The following VARS2 variants were observed in gnomAD, a reference collection of about 807,000 sequenced individuals.
VARS2 encodes valine--tRNA ligase, mitochondrial.
A neutral mutation model predicts 154.1 loss-of-function variants in VARS2; 105 were observed. The observed-to-expected ratio is 0.68, with a 90% CI of 0.58 to 0.80. The LOEUF is 0.80. VARS2 is among the 30% of genes least tolerant of loss of function. The pLI is 0.00. For synonymous variants in VARS2, 483 were observed against 539.5 expected, an observed-to-expected ratio of 0.90 and a Z score of 1.45; for missense variants, 1,157 against 1,361.4, an observed-to-expected ratio of 0.85 and a Z score of 2.36.
rs1287162415 is a variant in VARS2, at chr6:30,920,116, G to A, written c.1193G>A (p.Ser398Asn). The A allele has an allele frequency of 6.4e-7, 1 of 1,574,456 alleles. No individual in the cohort carries two copies. Among genetic ancestry groups the A allele is most frequent in the African/African-American group, 1.4e-5 (1 of 74,068 alleles). ...TGAVKVTPAH[S>N]PADAEMGARH... ...GCAGTGAAGGTGACTCCAGCTCACA[G>A]TCCTGCCGATGCTGAGATGGGGGCC... Residue 398 changes from serine to asparagine, a missense_variant, in exon 13 of 30, where the codon AGT (serine) becomes AAT (asparagine). By Grantham distance (46) the Ser-to-Asn change is conservative (BLOSUM62 1). Coordinates refer to ENST00000676266, the MANE Select transcript of VARS2 (RefSeq NM_020442.6). This position sits in a 1 kb window ranked among gnomAD's most constrained non-coding sequence, Gnocchi z 4.6.
Position 30,917,945 on chromosome 6 carries a change from C to T in VARS2, c.985+139C>T, listed in dbSNP as rs1167343786. On this transcript the variant is annotated intron_variant, in intron 10 of 29. Coordinates refer to ENST00000676266, the MANE Select transcript of VARS2 (RefSeq NM_020442.6). The surrounding 1 kb of genome is among the most constrained non-coding windows in gnomAD (Gnocchi z 4.4). ...TGTTCACCTCAGCGTGGGCACTTAC[C>T]CAGGGTCTTCTGGGGGATGTACAAA... 26 of 858,658 alleles carry T rather than the reference C, an allele frequency of 3.0e-5. No individual in the cohort carries two copies. The highest frequency in any genetic ancestry group is 4.6e-5 in the Non-Finnish European group (25 of 546,434). The allele number at this position is 858,658 out of a possible 1,614,324, so 53.2% of individuals were successfully genotyped here.
In VARS2 at chr6:30,921,572, C is replaced by G. The variant is rs1794513418; in HGVS notation, c.1633-17C>G. ...CTGTTCTTCCTCACTCTCCCCAACC[C>G]CTTCCTACTTTTGCAGGGAGAAGAG... On this transcript the variant is annotated splice_polypyrimidine_tract_variant and intron_variant, in intron 17 of 29. Transcript: ENST00000676266. The surrounding 1 kb of genome is among the most constrained non-coding windows in gnomAD (Gnocchi z 4.6). The G allele has an allele frequency of 1.3e-6, 2 of 1,594,802 alleles. No homozygotes were observed. The highest frequency in any genetic ancestry group is 2.7e-5 in the African/African-American group (2 of 74,872).
rs1255146279 is a variant in VARS2, at chr6:30,923,438, G to A, written c.2399G>A (p.Arg800Gln). Residue 800 changes from arginine to glutamine, a missense_variant, in exon 25 of 30, where the codon CGA (arginine) becomes CAA (glutamine). Transcript: ENST00000676266. ...GAGTGTGAGCGGGGCTTCCTCACCC[G>A]AGAGCTCTCGCTCGTCACTCATGCC... is the stretch of plus-strand genomic sequence containing the variant. ...AQECERGFLT[R>Q]ELSLVTHALH... 7.4e-6 allele frequency: 12 copies of A among 1,612,086 alleles called. No individual in the cohort carries two copies. The highest frequency in any genetic ancestry group is 1.6e-4 in the Middle Eastern group (1 of 6,084).
At position 30,921,068 on chromosome 6, in the gene VARS2, G is replaced by A; in HGVS notation, c.1483G>A (p.Val495Met). The change falls in exon 16 of 30, where the codon GTG becomes ATG. Residue 495 changes from valine (V) to methionine (M), a missense_variant. Val to Met is a conservative substitution (Grantham distance 21). Transcript: ENST00000676266. The surrounding 1 kb of genome is among the most constrained non-coding windows in gnomAD (Gnocchi z 4.6). ...QEMGARAAKA[V>M]ESGALELSPS... Reference sequence around the variant, plus strand: ...CTAAAGTCCCCTTTCTCTCCAGGCTGTGGAGTCGGGGGCCCTGGAGCTCAG... The same window carrying A: ...CTAAAGTCCCCTTTCTCTCCAGGCTATGGAGTCGGGGGCCCTGGAGCTCAG... 1.2e-6 allele frequency: 2 copies of A among 1,611,820 alleles called. No homozygotes were observed. Among genetic ancestry groups the A allele is most frequent in the Non-Finnish European group, 1.7e-6 (2 of 1,178,910 alleles).
chr6:30,925,704 C>A lies in VARS2; in HGVS notation c.2946C>A (p.Val982=). 1 of 1,611,110 alleles carries A rather than the reference C, an allele frequency of 6.2e-7. No homozygotes were observed. Among genetic ancestry groups the A allele is most frequent in the Non-Finnish European group, 8.5e-7 (1 of 1,179,684 alleles). ...CTCCACTCAGTGACACGGCTCAAGTCTACATGGAGCTGCAGGTGACCAGAG... is the reference window on the plus strand; with the variant it reads ...CTCCACTCAGTGACACGGCTCAAGTATACATGGAGCTGCAGGTGACCAGAG... ...AQAPLSDTAQ[V]YMELQGLVDP... The change falls in exon 28 of 30, where the codon GTC becomes GTA. Residue 982 remains valine, a synonymous_variant. Transcript: ENST00000676266.
At chr6:30,918,733 C>CAGTT in intron 10 of VARS2, 94 bp from the exon 11 acceptor site, 2 of 1,045,128 alleles carry the variant, frequency 1.9e-6, no homozygotes, top group Non-Finnish European at 2.9e-6. Flanking sequence ...TACTCCCTGC[C>CAGTT]CCTTCCCCTT....
intron 22 of VARS2, 25 bp downstream of exon 22, chr6:30,922,799 A>G: frequency 6.3e-7 from 1 of 1,595,448 alleles, no homozygotes; most frequent in Admixed American, 1.7e-5. Context: ...CCTGCCCCCC[A>G]CCAGCTCTAG....
chr6:30,916,099 C>G lies in VARS2; in HGVS notation c.573+52C>G. Reference sequence around the variant, plus strand: ...TCTTGGGCAAAAGCAATTTCTTCCCCCAAAGCAACCAAGCAACCTGACTCT... The same window carrying G: ...TCTTGGGCAAAAGCAATTTCTTCCCGCAAAGCAACCAAGCAACCTGACTCT... On this transcript the variant is annotated intron_variant, in intron 6 of 29. Coordinates refer to ENST00000676266, the MANE Select transcript of VARS2 (RefSeq NM_020442.6). This position sits in a 1 kb window ranked among gnomAD's most constrained non-coding sequence, Gnocchi z 4.0. 6.6e-7 allele frequency: 1 copy of G among 1,525,326 alleles called. No homozygotes were observed. The highest frequency in any genetic ancestry group is 8.8e-7 in the Non-Finnish European group (1 of 1,138,898). 94.5% of individuals were successfully genotyped at this position (1,525,326 alleles called of 1,614,324 possible). A position where few individuals can be genotyped will look rare whatever the true frequency, so the allele number is the denominator to read the frequency against.
At chr6:30,915,630 C>G in intron 4 of VARS2, 116 bp from the exon 5 acceptor site, 1 of 1,533,564 alleles carries the variant, frequency 6.5e-7, no homozygotes, top group Non-Finnish European at 8.8e-7. Context: ...TCTCCACTCT[C>G]CTCTTATTTG....
chr6:30,920,020 A>ATGGGGCGGTGCAGG lies in VARS2; in HGVS notation c.1166-67_1166-66insGGGCGGTGCAGGTG. Reference sequence around the variant, plus strand: ...CGCAGGGGCTGGGGCGGTGCAGGTGATGATGATACATCTGGAAAAGCAAAA... The same window carrying ATGGGGCGGTGCAGG: ...CGCAGGGGCTGGGGCGGTGCAGGTGATGGGGCGGTGCAGGTGATGATACATCTGGAAAAGCAAAA... On this transcript the variant is annotated intron_variant, in intron 12 of 29. Transcript: ENST00000676266. The surrounding 1 kb of genome is among the most constrained non-coding windows in gnomAD (Gnocchi z 4.6). 4.6e-6 allele frequency: 7 copies of ATGGGGCGGTGCAGG among 1,508,016 alleles called. No individual in the cohort carries two copies. Among genetic ancestry groups the ATGGGGCGGTGCAGG allele is most frequent in the Non-Finnish European group, 4.4e-6 (5 of 1,128,128 alleles). 93.4% of individuals were successfully genotyped at this position (1,508,016 alleles called of 1,614,324 possible).
chr6:30,920,017 G>C lies in VARS2; in HGVS notation c.1166-72G>C. 2 of 1,508,236 alleles carry C rather than the reference G, an allele frequency of 1.3e-6. No individual in the cohort carries two copies. Among genetic ancestry groups the C allele is most frequent in the Non-Finnish European group, 1.8e-6 (2 of 1,128,194 alleles). The allele number at this position is 1,508,236 out of a possible 1,614,324, so 93.4% of individuals were successfully genotyped here. A position where few individuals can be genotyped will look rare whatever the true frequency, so the allele number is the denominator to read the frequency against. On this transcript the variant is annotated intron_variant, in intron 12 of 29. Coordinates refer to ENST00000676266, the MANE Select transcript of VARS2 (RefSeq NM_020442.6). The surrounding 1 kb of genome is among the most constrained non-coding windows in gnomAD (Gnocchi z 4.6). Reference sequence around the variant, plus strand: ...AGTCGCAGGGGCTGGGGCGGTGCAGGTGATGATGATACATCTGGAAAAGCA... The same window carrying C: ...AGTCGCAGGGGCTGGGGCGGTGCAGCTGATGATGATACATCTGGAAAAGCA...
chr6:30,921,025 C>G lies in VARS2; in HGVS notation c.1480-40C>G. ...TCCTATCTGTGGAGGTGCGGCCGTGCAGGAAGGGCAACATTGTCTAAAGTC... is the reference window on the plus strand; with the variant it reads ...TCCTATCTGTGGAGGTGCGGCCGTGGAGGAAGGGCAACATTGTCTAAAGTC... On this transcript the variant is annotated intron_variant, in intron 15 of 29. Coordinates refer to ENST00000676266, the MANE Select transcript of VARS2 (RefSeq NM_020442.6). This position sits in a 1 kb window ranked among gnomAD's most constrained non-coding sequence, Gnocchi z 4.6. The G allele has an allele frequency of 1.3e-6, 2 of 1,576,038 alleles. No individual in the cohort carries two copies. Among genetic ancestry groups the G allele is most frequent in the Non-Finnish European group, 1.7e-6 (2 of 1,159,486 alleles).
In VARS2 at chr6:30,919,552, A is replaced by G. The variant is rs1794377081; in HGVS notation, c.1075-206A>G. On this transcript the variant is annotated intron_variant, in intron 11 of 29. Coordinates refer to ENST00000676266, the MANE Select transcript of VARS2 (RefSeq NM_020442.6). The surrounding 1 kb of genome is among the most constrained non-coding windows in gnomAD (Gnocchi z 4.5). ...TCTCCAGCTCTGCTGCAGTGGCATA[A>G]TAGAGTAATTGTGCTGAGAATGAAT... The G allele has an allele frequency of 4.4e-6, 2 of 449,952 alleles. No individual in the cohort carries two copies. The highest frequency in any genetic ancestry group is 7.9e-6 in the Non-Finnish European group (2 of 253,302). 27.9% of individuals were successfully genotyped at this position (449,952 alleles called of 1,614,324 possible).
In VARS2 at chr6:30,922,232, C is replaced by G; in HGVS notation, c.1923C>G (p.Pro641=). The G allele has an allele frequency of 6.2e-7, 1 of 1,611,570 alleles. No homozygotes were observed. The highest frequency in any genetic ancestry group is 8.5e-7 in the Non-Finnish European group (1 of 1,179,376). ...GGACCCAGCTCACAGGGCAGCTGCCCTTCAGCAAGGTAAGAGCCCTTCAGT... is the reference window on the plus strand; with the variant it reads ...GGACCCAGCTCACAGGGCAGCTGCCGTTCAGCAAGGTAAGAGCCCTTCAGT... ...MLGTQLTGQL[P]FSKVLLHPMV... is the part of the protein sequence containing the mutation. Residue 641 remains proline (P), a synonymous_variant, in exon 20 of 30, where the codon CCC becomes CCG. Coordinates refer to ENST00000676266, the MANE Select transcript of VARS2 (RefSeq NM_020442.6).
In VARS2 at chr6:30,919,049, G is replaced by T. The variant is rs1794347446; in HGVS notation, c.1074+134G>T. ...AGACTTCTCTCAGTGGTTCTGATTG[G>T]ACTCCCTCCTCCTCTTATAGTTTTT... is the stretch of plus-strand genomic sequence containing the variant. On this transcript the variant is annotated intron_variant, in intron 11 of 29. Coordinates refer to ENST00000676266, the MANE Select transcript of VARS2 (RefSeq NM_020442.6). This position sits in a 1 kb window ranked among gnomAD's most constrained non-coding sequence, Gnocchi z 4.5. 1.3e-6 allele frequency: 1 copy of T among 769,510 alleles called. No homozygotes were observed. The highest frequency in any genetic ancestry group is 2.1e-6 in the Non-Finnish European group (1 of 468,082). The allele number at this position is 769,510 out of a possible 1,614,324, so 47.7% of individuals were successfully genotyped here.
chr6:30,914,333 C>T lies in VARS2; in HGVS notation c.-39C>T. On this transcript the variant is annotated 5_prime_UTR_variant, in exon 1 of 30. Transcript: ENST00000676266. The stretch of plus-strand genomic sequence containing the variant: ...GCCGCGGGGCGCCCTGGGATAGCGG[C>T]GGGGCCTCCTGGTGAGCGCGCGCCG... The T allele has an allele frequency of 8.3e-7, 1 of 1,209,660 alleles. No homozygotes were observed. Among genetic ancestry groups the T allele is most frequent in the Non-Finnish European group, 1.0e-6 (1 of 963,396 alleles). The allele number at this position is 1,209,660 out of a possible 1,614,324, so 74.9% of individuals were successfully genotyped here. A position where few individuals can be genotyped will look rare whatever the true frequency, so the allele number is the denominator to read the frequency against.
chr6:30,919,861 C>G lies in VARS2; in HGVS notation c.1165+13C>G. 6.5e-7 allele frequency: 1 copy of G among 1,546,168 alleles called. No homozygotes were observed. Among genetic ancestry groups the G allele is most frequent in the African/African-American group, 1.4e-5 (1 of 72,858 alleles). Reference sequence around the variant, plus strand: ...CATGTGGGCACGGGTGAGTGGAAGTCAGGGGAGGGAGAGAAAGTTGGGGGT... The same window carrying G: ...CATGTGGGCACGGGTGAGTGGAAGTGAGGGGAGGGAGAGAAAGTTGGGGGT... On this transcript the variant is annotated intron_variant, in intron 12 of 29. Transcript: ENST00000676266. The surrounding 1 kb of genome is among the most constrained non-coding windows in gnomAD (Gnocchi z 4.5).
At position 30,926,115 on chromosome 6, in the gene VARS2, T is replaced by G; in HGVS notation, c.3097T>G (p.Ser1033Ala). 1 of 1,613,064 alleles carries G rather than the reference T, an allele frequency of 6.2e-7. No individual in the cohort carries two copies. Among genetic ancestry groups the G allele is most frequent in the Non-Finnish European group, 8.5e-7 (1 of 1,180,014 alleles). Residue 1033 changes from serine to alanine, a missense_variant, in exon 30 of 30, where the codon TCC becomes GCC. Physicochemically the swap from Ser to Ala is moderately conservative, Grantham distance 99 (BLOSUM62 1). Coordinates refer to ENST00000676266, the MANE Select transcript of VARS2 (RefSeq NM_020442.6). ...TCCTTTTCTCCTCGTCCAGCTTTCTTCCCTCCAGCTGGAATTGTCAAAACT... is the reference window on the plus strand; with the variant it reads ...TCCTTTTCTCCTCGTCCAGCTTTCTGCCCTCCAGCTGGAATTGTCAAAACT... ...AGTQRQQKLS[S>A]LQLELSKLDK...
At position 30,925,364 on chromosome 6, in the gene VARS2, C is replaced by T. The variant is rs1794768939; in HGVS notation, c.2764C>T (p.Leu922Phe). 1 of 1,611,450 alleles carries T rather than the reference C, an allele frequency of 6.2e-7. No homozygotes were observed. Among genetic ancestry groups the T allele is most frequent in the Non-Finnish European group, 8.5e-7 (1 of 1,179,106 alleles). ...VLRALRATYQ[L>F]TKARPRVLLQ... is the part of the protein sequence containing the mutation. ...AAGGGCTCTCCGAGCCACGTACCAG[C>T]TCACCAAAGCCCGGCCCCGAGGTGA... is the stretch of plus-strand genomic sequence containing the variant. The change falls in exon 27 of 30, where the codon CTC becomes TTC. Residue 922 changes from leucine to phenylalanine, a missense_variant. Physicochemically the swap from Leu to Phe is conservative, Grantham distance 22. Transcript: ENST00000676266.
Sources: allele counts gnomAD v4.1 joint callset, GRCh38; gene constraint gnomAD v4.1.1; non-coding constraint Gnocchi (gnomAD v3.1); transcripts MANE v1.5; gene names NCBI Gene and HGNC (gene_info 2026-07-23, HGNC 2026-07-21).